The following SYT2 variants were observed in gnomAD, a reference collection of about 807,000 sequenced individuals.
The protein encoded by SYT2 is synaptotagmin 2, also known as synaptotagmin-2.
Under a neutral mutation model 39.9 loss-of-function variants are expected in SYT2, and 15 were observed. The ratio of observed to expected loss-of-function variants is 0.38; its 90% CI spans 0.25 to 0.58. The LOEUF (loss-of-function observed/expected upper bound fraction) is 0.58. SYT2 is among the 20% of genes least tolerant of loss of function. The pLI, the probability that SYT2 is intolerant of heterozygous loss-of-function variation, is 0.70. For synonymous variants in SYT2, 181 were observed against 204.5 expected (o/e 0.89, Z 0.98); for missense variants, 389 against 530.3 (o/e 0.73, Z 2.62).
At chr1:202,620,546 C>G (rs374063583) in intron 1 of SYT2, among the ~76,000 whole-genome samples, 62 of 151,828 alleles carry the variant, frequency 4.1e-4, no homozygotes, top group African/African-American at 1.5e-3. Flanking sequence ...ATGCTCTCAA[C>G]AGAGAGCCTA....
chr1:202,605,887 C>A, intron 1 of SYT2, 98 bp from the exon 2 acceptor site: 2 of 791,878 alleles, frequency 2.5e-6, no homozygotes, highest in Non-Finnish European at 4.0e-6. Context: ...CTTTATAGAT[C>A]AAAGATATTT....
chr1:202,683,723 CAG>C (rs1261688830), intron 1 of SYT2, among the ~76,000 whole-genome samples: 1 of 128,610 alleles, frequency 7.8e-6, no homozygotes, highest in East Asian at 2.2e-4. Flanking sequence ...GCATGGATGA[CAG>C]AGTGAGACCC....
chr1:202,645,510 C>T (rs955386655), intron 1 of SYT2, among the ~76,000 whole-genome samples: 1 of 152,146 alleles, frequency 6.6e-6, no homozygotes, highest in African/African-American at 2.4e-5. Flanking sequence ...CTTATGCCTT[C>T]ACGATTGGAA....
chr1:202,609,289 T>C (rs1048732458), intron 1 of SYT2, among the ~76,000 whole-genome samples: 1 of 152,108 alleles, frequency 6.6e-6, no homozygotes, highest in African/African-American at 2.4e-5. Flanking sequence ...TGTTGGACAT[T>C]TGGGTTGGTT....
chr1:202,617,188 G>GC (rs1476525953), intron 1 of SYT2, among the ~76,000 whole-genome samples: 2 of 152,192 alleles, frequency 1.3e-5, no homozygotes, highest in South Asian at 2.1e-4. Context: ...TATATGCTGT[G>GC]CCCCCTTCAA....
chr1:202,702,715 C>T (rs1654150707), intron 1 of SYT2, among the ~76,000 whole-genome samples: 2 of 152,210 alleles, frequency 1.3e-5, no homozygotes, highest in South Asian at 4.1e-4. Flanking sequence ...CCATCTTAGG[C>T]CCTATGACCG....
chr1:202,631,792 A>G (rs1277731185), intron 1 of SYT2, among the ~76,000 whole-genome samples: 8 of 152,184 alleles, frequency 5.3e-5, no homozygotes, highest in Non-Finnish European at 1.2e-4. Flanking sequence ...GGAGCATTCA[A>G]GCTGAGGTTA....
intron 1 of SYT2, among the ~76,000 whole-genome samples, chr1:202,686,048 C>T (rs1243940942): frequency 2.0e-5 from 3 of 152,140 alleles, no homozygotes; most frequent in African/African-American, 7.2e-5. Flanking sequence ...CCCTGGGCCC[C>T]TAATATGGTT....
chr1:202,633,192 A>T (rs1318117749), intron 1 of SYT2, among the ~76,000 whole-genome samples: 2 of 152,094 alleles, frequency 1.3e-5, no homozygotes, highest in Admixed American at 1.3e-4. Context: ...TAGCTCAAAT[A>T]CTGATCCCTA....
rs1310543959 is a variant in SYT2, at chr1:202,605,730, G to A, written c.43C>T (p.Pro15Ser). ...FKRNQEPIVA[P>S]ATTTATMPIG... is the part of the protein sequence containing the mutation. Reference sequence around the variant, plus strand: ...GGCATCGTGGCGGTGGTGGTGGCAGGAGCCACAATAGGCTCCTGGTTCCTC... The same window carrying A: ...GGCATCGTGGCGGTGGTGGTGGCAGAAGCCACAATAGGCTCCTGGTTCCTC... The change falls in exon 2 of 9, where the codon CCT (proline) becomes TCT (serine). Residue 15 changes from proline to serine, a missense_variant. Around this residue, in one of 4 missense-constraint regions of SYT2, gnomAD observed 280 missense variants for 335.6 expected, o/e 0.83. Transcript: ENST00000367268. 5.0e-6 allele frequency: 8 copies of A among 1,614,096 alleles called. No homozygotes were observed. Among genetic ancestry groups the A allele is most frequent in the Admixed American group, 1.7e-5 (1 of 60,024 alleles).
At chr1:202,630,247 G>C (rs1435537698) in intron 1 of SYT2, 1 of 331,314 alleles carries the variant, frequency 3.0e-6, no homozygotes, top group South Asian at 1.2e-4. Flanking sequence ...AAAGAAAAAC[G>C]AATGTGCAGA....
In SYT2 at chr1:202,699,211, G is replaced by A. The variant is rs181450916; in HGVS notation, c.-18+11047C>T. ...AATTTTTTTTATTATTTGTAGAGAT[G>A]GGGTCTCGCTATGTTGCCCAGACTG... On this transcript the variant is annotated intron_variant, in intron 1 of 8. Transcript: ENST00000367268. Among the ~76,000 whole-genome samples, 489 of 151,882 alleles carry A rather than the reference G, an allele frequency of 3.2e-3. 5 individuals carry two copies. The highest frequency in any genetic ancestry group is 0.011 in the African/African-American group (473 of 41,422).
chr1:202,698,303 G>T (rs1337747493), intron 1 of SYT2, among the ~76,000 whole-genome samples: 3 of 152,144 alleles, frequency 2.0e-5, no homozygotes, highest in African/African-American at 7.2e-5. Flanking sequence ...GGAGCCACGT[G>T]CCAGGGCAAT....
intron 3 of SYT2, 53 bp from the exon 4 acceptor site, chr1:202,603,171 T>G: frequency 6.2e-7 from 1 of 1,608,578 alleles, no homozygotes. Flanking sequence ...GACCGAGAAG[T>G]CTGGCTTAGC....
At chr1:202,619,332 G>A (rs1324417266) in intron 1 of SYT2, among the ~76,000 whole-genome samples, 8 of 152,172 alleles carry the variant, frequency 5.3e-5, no homozygotes, top group Non-Finnish European at 8.8e-5. Context: ...ATGAAATGGC[G>A]CCATTAGGTG....
At chr1:202,683,826 G>T (rs991994693) in intron 1 of SYT2, among the ~76,000 whole-genome samples, 1 of 151,570 alleles carries the variant, frequency 6.6e-6, no homozygotes, top group Non-Finnish European at 1.5e-5. Context: ...AGCCATGCTT[G>T]GGGGAAATTG....
At chr1:202,691,654 AGGGAGGGAGCGAGAGG>A (rs1653818872) in intron 1 of SYT2, among the ~76,000 whole-genome samples, 1 of 138,806 alleles carries the variant, frequency 7.2e-6, no homozygotes, top group African/African-American at 2.6e-5. Flanking sequence ...TGTCTCAAAA[AGGGAGGGAGCGAGAGG>A]GGGAGGGAGC....
rs941998537 is a variant in SYT2 at position 202,628,625 on chromosome 1, C to A, written c.-17-22836G>T. On this transcript the variant is annotated intron_variant, in intron 1 of 8. Transcript: ENST00000367268. The surrounding 1 kb of genome is among the most constrained non-coding windows in gnomAD (Gnocchi z 4.2). ...AGAAGCCAGCTCTCTCCTGCCTGAC[C>A]GGGGGCCGGGACAGACATGGGAGAT... is the stretch of plus-strand genomic sequence containing the variant. Among the ~76,000 whole-genome samples the A allele has an allele frequency of 6.6e-6, 1 of 152,184 alleles. No homozygotes were observed. The highest frequency in any genetic ancestry group is 2.1e-4 in the South Asian group (1 of 4,834).
intron 1 of SYT2, among the ~76,000 whole-genome samples, chr1:202,673,259 A>G (rs1303362968): frequency 1.3e-5 from 2 of 152,224 alleles, no homozygotes; most frequent in Admixed American, 1.3e-4. Context: ...TAAGTCTTCT[A>G]GAATAAACAG....
Sources: gnomAD v4.1 joint callset for allele counts (sites outside exome capture counted in the v4.1 genomes callset) on GRCh38, gnomAD v4.1.1 for gene constraint, gnomAD v4.1.1 regional missense constraint, Gnocchi (gnomAD v3.1) non-coding constraint, MANE v1.5 for transcripts, NCBI Gene and HGNC (gene_info 2026-07-23, HGNC 2026-07-21) for gene names.